The following COL25A1 variants were observed in gnomAD, a reference collection of about 807,000 sequenced individuals.
The protein encoded by COL25A1 is collagen type XXV alpha 1 chain, also known as collagen alpha-1(XXV) chain.
A neutral mutation model predicts 128.4 loss-of-function variants in COL25A1; 103 were observed. The ratio of observed to expected loss-of-function variants is 0.80; its 90% CI spans 0.68 to 0.94. The LOEUF is 0.94. Ranked by LOEUF, COL25A1 falls within the 40% of genes least tolerant of loss-of-function variation. The pLI is 0.00. For synonymous variants in COL25A1, 279 were observed against 277.2 expected (o/e 1.01, Z -0.06); for missense variants, 745 against 840.0 (o/e 0.89, Z 1.40).
At chr4:109,174,444 G>T (rs1452218661) in intron 3 of COL25A1, among the ~76,000 whole-genome samples, 1 of 152,150 alleles carries the variant, frequency 6.6e-6, no homozygotes, top group Non-Finnish European at 1.5e-5. Flanking sequence ...CCAATCCACA[G>T]AATGTTTCAA....
intron 3 of COL25A1, among the ~76,000 whole-genome samples, chr4:109,074,021 T>C (rs1022884343): frequency 2.6e-5 from 4 of 152,192 alleles, no homozygotes; most frequent in African/African-American, 9.7e-5. Context: ...TGGAAGACAA[T>C]TTTTTGACAA....
Position 109,010,346 on chromosome 4 carries a change from G to C in COL25A1, c.438+12C>G. ...AAATTGAAAATAATTTGCTAGAAAA[G>C]AATTACCTTACCTGAGGACCAGGCT... On this transcript the variant is annotated intron_variant, in intron 6 of 37. Transcript: ENST00000399132. 1.3e-6 allele frequency: 2 copies of C among 1,571,160 alleles called. No homozygotes were observed. Among genetic ancestry groups the C allele is most frequent in the Admixed American group, 2.0e-5 (1 of 50,062 alleles).
At chr4:109,274,863 G>A (rs1337030946) in intron 3 of COL25A1, among the ~76,000 whole-genome samples, 1 of 152,064 alleles carries the variant, frequency 6.6e-6, no homozygotes, top group Admixed American at 6.6e-5. Context: ...TATAACACAC[G>A]AATAATTAAC....
At chr4:109,241,321 A>C (rs1779882388) in intron 3 of COL25A1, among the ~76,000 whole-genome samples, 1 of 151,994 alleles carries the variant, frequency 6.6e-6, no homozygotes, top group Non-Finnish European at 1.5e-5. Flanking sequence ...CTTTGCCAAC[A>C]TTCTCCCTTA....
chr4:109,184,618 A>C (rs1221297889), intron 3 of COL25A1, among the ~76,000 whole-genome samples: 1 of 152,156 alleles, frequency 6.6e-6, no homozygotes. Flanking sequence ...AGAACAAGTT[A>C]ATCAGAGTTC....
chr4:109,252,515 C>T (rs532553406), intron 3 of COL25A1, among the ~76,000 whole-genome samples: 96 of 152,188 alleles, frequency 6.3e-4, no homozygotes, highest in Non-Finnish European at 8.2e-4. Flanking sequence ...TATTAAAATC[C>T]TCTTCTGCTG....
At chr4:109,261,989 G>A (rs962003403) in intron 3 of COL25A1, among the ~76,000 whole-genome samples, 5 of 151,516 alleles carry the variant, frequency 3.3e-5, no homozygotes, top group Non-Finnish European at 5.9e-5. Context: ...GAGCCACCGC[G>A]CCCGGCTGAT....
intron 3 of COL25A1, among the ~76,000 whole-genome samples, chr4:109,167,129 G>A (rs4956249): frequency 0.51 from 76,984 of 151,868 alleles, 21,979 homozygotes; most frequent in Non-Finnish European, 0.65. Context: ...ACAAATGTTC[G>A]TGAGGGTATT....
Position 109,268,228 on chromosome 4 carries a change from G to T in COL25A1, c.367+32355C>A, listed in dbSNP as rs537543413. Among the ~76,000 whole-genome samples, 7 of 152,310 alleles carry T rather than the reference G, an allele frequency of 4.6e-5. No individual in the cohort carries two copies. In the South Asian group the frequency reaches 1.4e-3, roughly 32 times the overall value. On this transcript the variant is annotated intron_variant, in intron 3 of 37. Coordinates refer to ENST00000399132, the MANE Select transcript of COL25A1 (RefSeq NM_198721.4). ...AAATTTGGGCGACTGAAGAATGTCT[G>T]CAATAATCTGAACATTTTCCTTTTT... is the stretch of plus-strand genomic sequence containing the variant.
intron 20 of COL25A1, among the ~76,000 whole-genome samples, chr4:108,863,822 T>A (rs1475554000): frequency 6.6e-6 from 1 of 152,212 alleles, no homozygotes; most frequent in Non-Finnish European, 1.5e-5. Context: ...ACATCAGAAC[T>A]CCAGGTTCTC....
chr4:109,182,367 G>T (rs1774739067), intron 3 of COL25A1, among the ~76,000 whole-genome samples: 1 of 151,992 alleles, frequency 6.6e-6, no homozygotes, highest in Non-Finnish European at 1.5e-5. Context: ...GTTTTCAATT[G>T]TGTAAAGAAC....
chr4:108,827,121 G>T lies in COL25A1; in HGVS notation c.1764+14C>A. On this transcript the variant is annotated intron_variant, in intron 33 of 37. Transcript: ENST00000399132. ...ATGCGGAAGGTGGGGAGGTGCATGT[G>T]ACCAGGAACTCACAGGCAGCCCATA... is the stretch of plus-strand genomic sequence containing the variant. The T allele has an allele frequency of 6.2e-7, 1 of 1,612,720 alleles. No homozygotes were observed. Among genetic ancestry groups the T allele is most frequent in the Non-Finnish European group, 8.5e-7 (1 of 1,179,084 alleles).
At chr4:108,822,458 C>T (rs1469586291) in intron 35 of COL25A1, among the ~76,000 whole-genome samples, 2 of 151,948 alleles carry the variant, frequency 1.3e-5, no homozygotes, top group East Asian at 3.9e-4. Flanking sequence ...GTTCTGTCAC[C>T]CAGGCTAAAG....
chr4:109,014,579 A>G (rs1757032099), intron 5 of COL25A1, among the ~76,000 whole-genome samples: 1 of 152,242 alleles, frequency 6.6e-6, no homozygotes. Context: ...CTTATATGTT[A>G]TTATATAAAA....
chr4:109,250,941 C>T (rs1259404807), intron 3 of COL25A1, among the ~76,000 whole-genome samples: 1 of 152,100 alleles, frequency 6.6e-6, no homozygotes, highest in Non-Finnish European at 1.5e-5. Context: ...ATGATACAAC[C>T]ATTCTGCATA....
chr4:109,022,732 C>A (rs1393397240), intron 5 of COL25A1, among the ~76,000 whole-genome samples: 1 of 152,114 alleles, frequency 6.6e-6, no homozygotes, highest in Non-Finnish European at 1.5e-5. Flanking sequence ...TTTACCAGCA[C>A]AAATATTTAA....
chr4:109,008,648 A>G (rs1756272750), intron 6 of COL25A1, among the ~76,000 whole-genome samples: 1 of 152,122 alleles, frequency 6.6e-6, no homozygotes, highest in Non-Finnish European at 1.5e-5. Flanking sequence ...ACTACAAGGT[A>G]TGAGGGTTTT....
intron 10 of COL25A1, among the ~76,000 whole-genome samples, chr4:108,939,136 T>C (rs532835653): frequency 6.6e-6 from 1 of 152,254 alleles, no homozygotes. Context: ...CTCAATGATC[T>C]GACTAATGTA....
chr4:109,014,521 T>C (rs1324670893), intron 5 of COL25A1, among the ~76,000 whole-genome samples: 1 of 152,250 alleles, frequency 6.6e-6, no homozygotes, highest in African/African-American at 2.4e-5. Context: ...ATACGTCGCA[T>C]TCCTGCCATT....
Sources: gnomAD v4.1 joint callset for allele counts (sites outside exome capture counted in the v4.1 genomes callset) on GRCh38, gnomAD v4.1.1 for gene constraint, MANE v1.5 for transcripts, NCBI Gene and HGNC (gene_info 2026-07-23, HGNC 2026-07-21) for gene names.